The following SNX8 variants were observed in gnomAD, a reference collection of about 807,000 sequenced individuals.
SNX8 encodes the protein sorting nexin 8, also known as sorting nexin-8.
In SNX8, 25 loss-of-function variants were observed where a neutral mutation model predicts 51.6. The ratio of observed to expected loss-of-function variants is 0.48; its 90% CI spans 0.35 to 0.68. The LOEUF (loss-of-function observed/expected upper bound fraction) is 0.68. Ranked by LOEUF, SNX8 falls within the 30% of genes least tolerant of loss-of-function variation. The pLI is 0.00. For synonymous variants in SNX8, 324 were observed against 277.0 expected (o/e 1.17, Z -1.68); for missense variants, 695 against 624.0 (o/e 1.11, Z -1.21).
intron 1 of SNX8, among the ~76,000 whole-genome samples, chr7:2,332,319 G>C (rs1778751575): frequency 6.6e-6 from 1 of 151,896 alleles, no homozygotes. Context: ...TGACATATTA[G>C]GACGTCAGCT....
In SNX8 at chr7:2,256,922, G is replaced by A; in HGVS notation, c.1236C>T (p.Ser412=). Residue 412 remains serine, a synonymous_variant, in exon 10 of 11, where the codon TCC becomes TCT. Coordinates refer to ENST00000222990, the MANE Select transcript of SNX8 (RefSeq NM_013321.4). ...AGTTGACGAAGGCGCGGAGGATGTGGGAGGTGAGGGGCAGGTAGACGTGGA... is the reference window on the plus strand; with the variant it reads ...AGTTGACGAAGGCGCGGAGGATGTGAGAGGTGAGGGGCAGGTAGACGTGGA... ...QLIHVYLPLT[S]HILRAFVNSQ... 2 of 1,613,768 alleles carry A rather than the reference G, an allele frequency of 1.2e-6. No homozygotes were observed. Among genetic ancestry groups the A allele is most frequent in the Non-Finnish European group, 1.7e-6 (2 of 1,179,892 alleles).
chr7:2,331,875 G>A (rs1342926157), intron 1 of SNX8, among the ~76,000 whole-genome samples: 1 of 151,250 alleles, frequency 6.6e-6, no homozygotes, highest in East Asian at 1.9e-4. Flanking sequence ...GCAAGATTCT[G>A]TCTCAAAAAA....
intron 1 of SNX8, among the ~76,000 whole-genome samples, chr7:2,312,202 C>T (rs1156576843): frequency 1.3e-5 from 2 of 152,122 alleles, no homozygotes; most frequent in African/African-American, 2.4e-5. Flanking sequence ...AAAGGGAGGG[C>T]GGTCTCCCAG....
chr7:2,270,314 C>CAAAAAA (rs57983721), intron 4 of SNX8, among the ~76,000 whole-genome samples: 1,833 of 57,052 alleles, frequency 0.032, 581 homozygotes, highest in African/African-American at 0.13. Context: ...TCTCATTTTA[C>CAAAAAA]AAAAAAAAAA....
chr7:2,300,471 G>A (rs778996809), intron 1 of SNX8, among the ~76,000 whole-genome samples: 8 of 151,956 alleles, frequency 5.3e-5, no homozygotes, highest in Non-Finnish European at 8.8e-5. Context: ...GGAGTGCAGT[G>A]GCACGATCTT....
intron 1 of SNX8, among the ~76,000 whole-genome samples, chr7:2,340,125 C>T (rs917714772): frequency 1.3e-5 from 2 of 151,422 alleles, no homozygotes; most frequent in Non-Finnish European, 2.9e-5. Context: ...TGCAATGGCA[C>T]GATCTCAGCT....
intron 1 of SNX8, among the ~76,000 whole-genome samples, chr7:2,290,155 G>A (rs530313916): frequency 1.6e-4 from 24 of 152,038 alleles, no homozygotes; most frequent in Middle Eastern, 3.4e-3. Context: ...ATTACACCAC[G>A]GCCCTCCAGC....
intron 1 of SNX8, among the ~76,000 whole-genome samples, chr7:2,303,000 G>A (rs545901506): frequency 1.2e-3 from 182 of 151,920 alleles, no homozygotes; most frequent in African/African-American, 4.1e-3. Flanking sequence ...CACCCCGTCC[G>A]GGACAGAGGT....
upstream of SNX8, among the ~76,000 whole-genome samples, chr7:2,317,215 G>C (rs568187812): frequency 9.3e-5 from 13 of 139,216 alleles, no homozygotes; most frequent in Admixed American, 1.5e-4. Flanking sequence ...CCTGCATCAG[G>C]AAGGGCTTGT....
chr7:2,339,194 G>A (rs1443715567), intron 1 of SNX8, among the ~76,000 whole-genome samples: 1 of 150,302 alleles, frequency 6.7e-6, no homozygotes, highest in Non-Finnish European at 1.5e-5. Flanking sequence ...ATGAGCCATT[G>A]TGCCCAGCCT....
intron 5 of SNX8, among the ~76,000 whole-genome samples, chr7:2,268,610 C>A (rs1389646266): frequency 2.2e-5 from 3 of 139,122 alleles, no homozygotes; most frequent in Non-Finnish European, 4.8e-5. Flanking sequence ...GGGGGTCAGC[C>A]CTCCGCCCAG....
chr7:2,284,689 C>G (rs1338335939), intron 1 of SNX8, among the ~76,000 whole-genome samples: 2 of 151,814 alleles, frequency 1.3e-5, no homozygotes, highest in Non-Finnish European at 2.9e-5. Context: ...CAGGCGTGAG[C>G]CACTGTGCCT....
At chr7:2,312,020 G>A (rs573249314) in intron 1 of SNX8, among the ~76,000 whole-genome samples, 63 of 151,992 alleles carry the variant, frequency 4.1e-4, no homozygotes, top group African/African-American at 1.4e-3. Flanking sequence ...GACAGTCTAC[G>A]TCCCAAGAGT....
At chr7:2,342,428 C>A (rs752994105) in intron 1 of SNX8, among the ~76,000 whole-genome samples, 21 of 151,896 alleles carry the variant, frequency 1.4e-4, no homozygotes, top group Admixed American at 3.3e-4. Flanking sequence ...CTGAGGAGGG[C>A]GGATCACTTG....
rs1584663807 is a variant in SNX8 at position 2,257,771 on chromosome 7, C to G, written c.948G>C (p.Lys316Asn). ...GCAGCAGATCCAAGAAGAGGTTCAG[C>G]TTCTCCACCACGTCGTTCTCTTCCT... ...GKQEENDVVE[K>N]LNLFLDLLQS... Residue 316 changes from lysine (K) to asparagine (N), a missense_variant, in exon 8 of 11, where the codon AAG becomes AAC. By Grantham distance (94) the Lys-to-Asn change is moderately conservative. Coordinates refer to ENST00000222990, the MANE Select transcript of SNX8 (RefSeq NM_013321.4). 6.2e-7 allele frequency: 1 copy of G among 1,614,076 alleles called. No homozygotes were observed. The highest frequency in any genetic ancestry group is 8.5e-7 in the Non-Finnish European group (1 of 1,180,014).
At chr7:2,279,391 G>A (rs990877955) in intron 1 of SNX8, among the ~76,000 whole-genome samples, 2 of 151,974 alleles carry the variant, frequency 1.3e-5, no homozygotes, top group Non-Finnish European at 2.9e-5. Context: ...CTCATGCTAC[G>A]GAGTCAACGC....
chr7:2,256,952 C>G lies in SNX8; in HGVS notation c.1206G>C (p.Gln402His). ...FSLYCLHQET[Q>H]LIHVYLPLTS... ...TGAGGGGCAGGTAGACGTGGATGAG[C>G]TGCGTCTCCTGGTGCAGGCAGTACA... Residue 402 changes from glutamine (Q) to histidine (H), a missense_variant, in exon 10 of 11, where the codon CAG (glutamine) becomes CAC (histidine). By Grantham distance (24) the Gln-to-His change is conservative. Transcript: ENST00000222990. 1 of 1,613,712 alleles carries G rather than the reference C, an allele frequency of 6.2e-7. No individual in the cohort carries two copies.
chr7:2,304,161 C>T (rs1450792039), intron 1 of SNX8, among the ~76,000 whole-genome samples: 3 of 143,862 alleles, frequency 2.1e-5, no homozygotes, highest in Admixed American at 7.0e-5. Flanking sequence ...AGCGAGACTC[C>T]GTCTCAAAAA....
chr7:2,316,352 T>G (rs937573291), upstream of SNX8, among the ~76,000 whole-genome samples: 1 of 149,304 alleles, frequency 6.7e-6, no homozygotes, highest in Non-Finnish European at 1.5e-5. Flanking sequence ...CCTGCATTCA[T>G]TCATTCACTC....
Sources: gnomAD v4.1 joint callset for allele counts (sites outside exome capture counted in the v4.1 genomes callset) on GRCh38, gnomAD v4.1.1 for gene constraint, MANE v1.5 for transcripts, NCBI Gene and HGNC (gene_info 2026-07-23, HGNC 2026-07-21) for gene names.